ARHGAP6: variants seen among roughly 807,000 people sequenced by gnomAD.
The protein encoded by ARHGAP6 is rho GTPase-activating protein 6.
A neutral mutation model predicts 55.7 loss-of-function variants in ARHGAP6; 16 were observed. The ratio of observed to expected loss-of-function variants is 0.29; its 90% CI spans 0.19 to 0.44. The LOEUF (loss-of-function observed/expected upper bound fraction) is 0.44. Ranked by LOEUF, ARHGAP6 falls within the 20% of genes least tolerant of loss-of-function variation. The pLI is 1.00. For missense variants in ARHGAP6, 698 were observed against 808.9 expected (o/e 0.86, Z 1.66); for synonymous variants, 382 against 360.9 (o/e 1.06, Z -0.66).
At chrX:11,531,851 G>C (rs892484220) in intron 1 of ARHGAP6, among the ~76,000 whole-genome samples, 1 of 112,310 alleles carries the variant, frequency 8.9e-6, no homozygotes, top group African/African-American at 3.2e-5. Flanking sequence ...TATTAGCTCA[G>C]TACACTTATT....
In ARHGAP6 at chrX:11,632,760, C is replaced by A. The variant is rs898475049; in HGVS notation, c.588+31481G>T. Among the ~76,000 whole-genome samples the A allele has an allele frequency of 2.7e-5, 3 of 112,285 alleles. No homozygotes were observed. In the East Asian group the frequency reaches 8.3e-4, roughly 31 times the overall value. The stretch of plus-strand genomic sequence containing the variant: ...TACATGTATTTAAGTGGATGCCCTG[C>A]CATATGTAGTTTAAAACATGCTGTA... On this transcript the variant is annotated intron_variant, in intron 1 of 12. Transcript: ENST00000337414.
chrX:11,602,982 A>T (rs1389132974), intron 1 of ARHGAP6, among the ~76,000 whole-genome samples: 1 of 111,770 alleles, frequency 8.9e-6, no homozygotes, highest in Non-Finnish European at 1.9e-5. Flanking sequence ...AAAGACTGAA[A>T]ACCACTAAAC....
chrX:11,241,485 C>T (rs956439238), intron 2 of ARHGAP6, among the ~76,000 whole-genome samples: 4 of 108,051 alleles, frequency 3.7e-5, no homozygotes, highest in South Asian at 4.2e-4. Flanking sequence ...TAATGGAAAA[C>T]GTATTCAAGC....
intron 1 of ARHGAP6, among the ~76,000 whole-genome samples, chrX:11,263,057 C>T (rs1286400639): frequency 1.8e-5 from 2 of 110,779 alleles, no homozygotes; most frequent in African/African-American, 6.6e-5. Context: ...TGTTTGTCCC[C>T]TCCAAATCTC....
chrX:11,374,517 C>G (rs895951375), intron 1 of ARHGAP6, among the ~76,000 whole-genome samples: 6 of 112,129 alleles, frequency 5.4e-5, no homozygotes, highest in African/African-American at 1.9e-4. Context: ...TAAAATTTAT[C>G]TGCAACCATT....
At chrX:11,462,645 A>G (rs1033668336) in intron 1 of ARHGAP6, among the ~76,000 whole-genome samples, 39 of 112,500 alleles carry the variant, frequency 3.5e-4, no homozygotes, top group African/African-American at 1.3e-3. Flanking sequence ...GATTTGGGAT[A>G]ACATTCTGAT....
In ARHGAP6 at chrX:11,665,740, C is replaced by T. The variant is rs1162846805; in HGVS notation, c.-912G>A. 8.8e-6 allele frequency: 1 copy of T among 113,175 alleles called. No individual in the cohort carries two copies. Among genetic ancestry groups the T allele is most frequent in the East Asian group, 2.8e-4 (1 of 3,584 alleles). 9.3% of individuals were successfully genotyped at this position (113,175 alleles called of 1,213,427 possible). A position where few individuals can be genotyped will look rare whatever the true frequency, so the allele number is the denominator to read the frequency against. On this transcript the variant is annotated 5_prime_UTR_variant, in exon 1 of 13. Transcript: ENST00000337414. ...AGACGCGGAGATGACCCCGTACGCT[C>T]GCTCTAGAGGCAGCGGGAAGGGGGC...
At chrX:11,278,162 C>T (rs2047803130) in intron 1 of ARHGAP6, among the ~76,000 whole-genome samples, 1 of 111,452 alleles carries the variant, frequency 9.0e-6, no homozygotes, top group Non-Finnish European at 1.9e-5. Flanking sequence ...AATAATATCT[C>T]TCACCCCTAA....
At chrX:11,322,228 T>C (rs1241408827) in intron 1 of ARHGAP6, among the ~76,000 whole-genome samples, 3 of 112,044 alleles carry the variant, frequency 2.7e-5, no homozygotes, top group Admixed American at 9.5e-5. Context: ...TCCTCTAAAC[T>C]GTGGGATGTT....
At chrX:11,482,983 C>T (rs994092867) in intron 1 of ARHGAP6, among the ~76,000 whole-genome samples, 1 of 111,301 alleles carries the variant, frequency 9.0e-6, no homozygotes, top group African/African-American at 3.3e-5. Context: ...CTTCTTCATC[C>T]CACTTCCTCT....
intron 1 of ARHGAP6, among the ~76,000 whole-genome samples, chrX:11,315,876 G>A (rs1269501538): frequency 5.4e-5 from 6 of 111,804 alleles, no homozygotes; most frequent in Non-Finnish European, 9.4e-5. Flanking sequence ...TCTATGCACT[G>A]ATAGTTACCT....
chrX:11,422,555 A>G (rs2049834889), intron 1 of ARHGAP6, among the ~76,000 whole-genome samples: 1 of 112,183 alleles, frequency 8.9e-6, no homozygotes, highest in African/African-American at 3.2e-5. Context: ...TGCACTGGCC[A>G]TAGGGACAGC....
At chrX:11,395,799 C>A (rs1325624944) in intron 1 of ARHGAP6, among the ~76,000 whole-genome samples, 1 of 111,821 alleles carries the variant, frequency 8.9e-6, no homozygotes, top group African/African-American at 3.2e-5. Flanking sequence ...CTTGGATAAT[C>A]AAAAATTGAC....
chrX:11,441,154 C>G (rs2050035102), intron 1 of ARHGAP6, among the ~76,000 whole-genome samples: 1 of 111,802 alleles, frequency 8.9e-6, no homozygotes, highest in Non-Finnish European at 1.9e-5. Flanking sequence ...CAAAGGCCCT[C>G]CTACGAAGGA....
chrX:11,629,041 G>C (rs961643132), intron 1 of ARHGAP6, among the ~76,000 whole-genome samples: 1 of 110,821 alleles, frequency 9.0e-6, no homozygotes, highest in African/African-American at 3.3e-5. Flanking sequence ...TAGAGCTCGA[G>C]TCTTACAGAT....
intron 1 of ARHGAP6, among the ~76,000 whole-genome samples, chrX:11,264,223 TAA>T (rs11410186): frequency 9.5e-6 from 1 of 105,352 alleles, no homozygotes; most frequent in Non-Finnish European, 2.0e-5. Context: ...AGAGAGCCTG[TAA>T]AAAAAAAAAT....
At chrX:11,576,376 TAC>T (rs971880161) in intron 1 of ARHGAP6, among the ~76,000 whole-genome samples, 1 of 112,143 alleles carries the variant, frequency 8.9e-6, no homozygotes, top group Non-Finnish European at 1.9e-5. Flanking sequence ...TATAAATACT[TAC>T]AGTTATCTGA....
chrX:11,588,714 G>C (rs5935118), intron 1 of ARHGAP6, among the ~76,000 whole-genome samples: 2,204 of 112,223 alleles, frequency 0.02, 31 homozygotes, highest in Middle Eastern at 0.069. Flanking sequence ...GTCCAGAACA[G>C]ATCAATCCAT....
chrX:11,375,913 AG>A (rs765208924), intron 1 of ARHGAP6, among the ~76,000 whole-genome samples: 2 of 112,184 alleles, frequency 1.8e-5, no homozygotes, highest in Admixed American at 1.9e-4. Flanking sequence ...AGGAAGATAA[AG>A]GAAGTTCAAA....
Sources: gnomAD v4.1 joint callset for allele counts (sites outside exome capture counted in the v4.1 genomes callset) on GRCh38, gnomAD v4.1.1 for gene constraint, MANE v1.5 for transcripts, NCBI Gene and HGNC (gene_info 2026-07-23, HGNC 2026-07-21) for gene names.